The following ROBO2 variants were observed in gnomAD, a reference collection of about 807,000 sequenced individuals.
The protein encoded by ROBO2 is roundabout guidance receptor 2.
Under a neutral mutation model 160.8 loss-of-function variants are expected in ROBO2, and 53 were observed. The observed-to-expected ratio is 0.33, with a 90% CI of 0.26 to 0.41. The LOEUF is 0.41. Among genes scored for constraint, ROBO2 ranks in the 10% least tolerant of loss-of-function variants. The probability of loss-of-function intolerance (pLI) is 1.00; values close to 1 mark genes in which losing one functional copy is unlikely to be tolerated. For missense variants in ROBO2, 1,577 were observed against 1,722.4 expected (o/e 0.92, Z 1.49); for synonymous variants, 664 against 611.7 (o/e 1.09, Z -1.26).
At chr3:76,749,379 G>T (rs144971731) in intron 2 of ROBO2, among the ~76,000 whole-genome samples, 89 of 151,978 alleles carry the variant, frequency 5.9e-4, no homozygotes, top group African/African-American at 2.0e-3. Context: ...ACTGTAGTTT[G>T]CATCCTGCTA....
At chr3:76,958,000 G>C (rs1187920199) in intron 2 of ROBO2, among the ~76,000 whole-genome samples, 1 of 152,124 alleles carries the variant, frequency 6.6e-6, no homozygotes, top group Non-Finnish European at 1.5e-5. Context: ...ATTTCTCCTC[G>C]CTTTCTACTT....
chr3:76,944,948 G>A (rs985130103), intron 2 of ROBO2, among the ~76,000 whole-genome samples: 6 of 151,872 alleles, frequency 4.0e-5, no homozygotes, highest in Admixed American at 6.6e-5. Context: ...GAGTTCAGTG[G>A]CGCGATCTCA....
At chr3:76,887,396 TAATAA>T (rs1188924171) in intron 2 of ROBO2, among the ~76,000 whole-genome samples, 1 of 151,850 alleles carries the variant, frequency 6.6e-6, no homozygotes, top group African/African-American at 2.4e-5. Flanking sequence ...GTAAAATAAA[TAATAA>T]AATAAAGCAA....
intron 2 of ROBO2, among the ~76,000 whole-genome samples, chr3:76,296,887 CTT>C (rs1047122748): frequency 1.1e-4 from 16 of 152,258 alleles, no homozygotes; most frequent in African/African-American, 3.6e-4. Context: ...TCAAAAGGAA[CTT>C]TATATACTAA....
At chr3:77,499,197 T>C (rs752343313) in intron 5 of ROBO2, among the ~76,000 whole-genome samples, 4 of 152,202 alleles carry the variant, frequency 2.6e-5, no homozygotes, top group Non-Finnish European at 4.4e-5. Flanking sequence ...ATTTAGTTTA[T>C]TTACACTGCC....
intron 2 of ROBO2, among the ~76,000 whole-genome samples, chr3:77,303,615 A>G (rs2062841760): frequency 1.3e-5 from 2 of 152,134 alleles, no homozygotes; most frequent in Non-Finnish European, 2.9e-5. Flanking sequence ...GGGGTATCTT[A>G]TAACTGAGTT....
chr3:76,130,105 G>C (rs925564755), intron 2 of ROBO2, among the ~76,000 whole-genome samples: 1 of 152,060 alleles, frequency 6.6e-6, no homozygotes. Context: ...AAAAGGATGT[G>C]GAGAGATGGG....
chr3:77,572,012 T>C lies in ROBO2; in HGVS notation c.1972-2487T>C, dbSNP rs547180441. Among the ~76,000 whole-genome samples, 7 of 152,000 alleles carry C rather than the reference T, an allele frequency of 4.6e-5. No homozygotes were observed. In the Middle Eastern group the frequency reaches 0.017, roughly 374 times the overall value. On this transcript the variant is annotated intron_variant, in intron 13 of 25. Transcript: ENST00000461745. ...TAGTGTACACTGAAGTGTGCAAGTG[T>C]GCAAAACAATGTTTTGTGGTAAACA...
At chr3:76,475,861 A>C (rs1488185786) in intron 2 of ROBO2, among the ~76,000 whole-genome samples, 1 of 152,178 alleles carries the variant, frequency 6.6e-6, no homozygotes, top group Non-Finnish European at 1.5e-5. Flanking sequence ...GCTTTTGTCA[A>C]CTTTGCCTTG....
intron 1 of ROBO2, among the ~76,000 whole-genome samples, chr3:75,912,507 C>A (rs1946639754): frequency 6.6e-6 from 1 of 152,158 alleles, no homozygotes; most frequent in Non-Finnish European, 1.5e-5. Context: ...CACAAACTCA[C>A]TGCTGGTGGT....
intron 2 of ROBO2, among the ~76,000 whole-genome samples, chr3:76,076,043 G>A (rs1301131366): frequency 1.3e-5 from 2 of 152,156 alleles, no homozygotes; most frequent in South Asian, 4.1e-4. Context: ...GAGCAAAATG[G>A]TTATTGCATT....
chr3:76,953,480 T>C (rs1577787755), intron 2 of ROBO2, among the ~76,000 whole-genome samples: 1 of 152,160 alleles, frequency 6.6e-6, no homozygotes. Flanking sequence ...TTATCCTGAA[T>C]GATCAGACCT....
chr3:77,639,866 A>G (rs187346855), intron 24 of ROBO2, among the ~76,000 whole-genome samples: 2 of 152,272 alleles, frequency 1.3e-5, no homozygotes, highest in Non-Finnish European at 2.9e-5. Flanking sequence ...GTACTAAATG[A>G]GGCAAGGTGG....
chr3:76,277,096 G>T (rs1287693858), intron 2 of ROBO2, among the ~76,000 whole-genome samples: 1 of 151,956 alleles, frequency 6.6e-6, no homozygotes, highest in Admixed American at 6.6e-5. Context: ...CACCCATGTG[G>T]ACAATCTGTG....
chr3:76,195,605 T>TA (rs1228660389), intron 2 of ROBO2, among the ~76,000 whole-genome samples: 3 of 152,174 alleles, frequency 2.0e-5, no homozygotes, highest in Admixed American at 1.3e-4. Flanking sequence ...AAGGAGTTCT[T>TA]AGAGAGTTTA....
exon 21 of ROBO2, chr3:77,607,938 G>C (rs920238719): frequency 6.2e-7 from 1 of 1,613,704 alleles, no homozygotes; most frequent in Non-Finnish European, 8.5e-7. Flanking sequence ...CTATGCAGTG[G>C]AACAACAAGA....
At chr3:76,179,477 A>G (rs1701394115) in intron 2 of ROBO2, among the ~76,000 whole-genome samples, 2 of 152,142 alleles carry the variant, frequency 1.3e-5, no homozygotes, top group African/African-American at 4.8e-5. Context: ...CTTACTTCCC[A>G]CAGTTAATCA....
intron 20 of ROBO2, among the ~76,000 whole-genome samples, chr3:77,606,494 C>T (rs1456006857): frequency 5.3e-5 from 8 of 151,380 alleles, no homozygotes; most frequent in African/African-American, 2.0e-4. Flanking sequence ...AACAAGTATA[C>T]TACAAGGCAA....
At chr3:76,714,509 A>G (rs72890242) in intron 2 of ROBO2, among the ~76,000 whole-genome samples, 1,533 of 152,298 alleles carry the variant, frequency 0.01, 28 homozygotes, top group African/African-American at 0.035. Flanking sequence ...CACATAGCAA[A>G]AGGCATCAAT....
Sources: allele counts gnomAD v4.1 joint callset (sites outside exome capture counted in the v4.1 genomes callset), GRCh38; gene constraint gnomAD v4.1.1; transcripts MANE v1.5; gene names NCBI Gene and HGNC (gene_info 2026-07-23, HGNC 2026-07-21).